The following UBA6 variants were observed in gnomAD, a reference collection of about 807,000 sequenced individuals.
The protein encoded by UBA6 is ubiquitin-like modifier-activating enzyme 6.
UBA6 carries 87 observed loss-of-function variants against 148.3 expected under a neutral mutation model. The observed-to-expected ratio is 0.59, with a 90% CI of 0.49 to 0.70. UBA6 has a LOEUF of 0.70. Ranked by LOEUF, UBA6 falls within the 30% of genes least tolerant of loss-of-function variation. The probability of loss-of-function intolerance (pLI) is 0.00; values close to 1 mark genes in which losing one functional copy is unlikely to be tolerated. For synonymous variants in UBA6, 376 were observed against 401.0 expected (o/e 0.94, Z 0.75); for missense variants, 1,186 against 1,241.2 (o/e 0.96, Z 0.67).
At chr4:67,692,382 G>T (rs974456453) in intron 2 of UBA6, among the ~76,000 whole-genome samples, 2 of 152,136 alleles carry the variant, frequency 1.3e-5, no homozygotes, top group African/African-American at 4.8e-5. Context: ...CAAGCACCAG[G>T]ATTTAAGGCA....
chr4:67,637,610 G>A (rs1043087134), intron 19 of UBA6, among the ~76,000 whole-genome samples: 6 of 37,462 alleles, frequency 1.6e-4, no homozygotes, highest in Non-Finnish European at 3.2e-4. Flanking sequence ...TCTGCCTTGG[G>A]ATGCTGTTGA....
rs568856811 is a variant in UBA6 at position 67,685,245 on chromosome 4, T to A, written c.135-3032A>T. On this transcript the variant is annotated intron_variant, in intron 2 of 32. Coordinates refer to ENST00000322244, the MANE Select transcript of UBA6 (RefSeq NM_018227.6). ...ACTTTTATTTCTTGATTTTTTGAGT[T>A]TTATATATTACCTATTAACTTCCTA... Among the ~76,000 whole-genome samples the A allele has an allele frequency of 4.6e-5, 7 of 152,306 alleles. No homozygotes were observed. In the East Asian group the frequency reaches 1.4e-3, roughly 29 times the overall value.
At position 67,631,756 on chromosome 4, in the gene UBA6, G is replaced by A. The variant is rs1319288875; in HGVS notation, c.2210C>T (p.Ser737Leu). The part of the protein sequence containing the change: ...RLKDGSLFWQ[S>L]PKRPPSPIKF... ...TATTGGAGAGGGTGGCCTCTTTGGTGACTGCCAAAATAAACCTGGCAAAAA... is the reference window on the plus strand; with the variant it reads ...TATTGGAGAGGGTGGCCTCTTTGGTAACTGCCAAAATAAACCTGGCAAAAA... The change falls in exon 25 of 33, where the codon TCA becomes TTA. Residue 737 changes from serine to leucine, a missense_variant. Transcript: ENST00000322244. The A allele has an allele frequency of 6.2e-7, 1 of 1,611,500 alleles. No individual in the cohort carries two copies. The highest frequency in any genetic ancestry group is 1.3e-5 in the African/African-American group (1 of 74,828).
intron 2 of UBA6, among the ~76,000 whole-genome samples, chr4:67,683,971 G>A (rs1032951144): frequency 5.3e-5 from 8 of 152,124 alleles, no homozygotes; most frequent in East Asian, 3.8e-4. Context: ...CCAGCTACTC[G>A]GATGGCTGAG....
At chr4:67,696,849 T>A (rs1730852400) in intron 1 of UBA6, 142 bp from the exon 2 acceptor site, 4 of 619,234 alleles carry the variant, frequency 6.5e-6, no homozygotes, top group Non-Finnish European at 8.5e-6. Context: ...TTATATTTTT[T>A]AAATGGCCTG....
intron 27 of UBA6, 99 bp downstream of exon 27, chr4:67,628,972 A>G (rs189676990): frequency 1.2e-6 from 1 of 841,488 alleles, no homozygotes; most frequent in African/African-American, 1.7e-5. Flanking sequence ...GAGCAAGAGC[A>G]AGAACCATTC....
At chr4:67,656,419 A>G (rs1729693561) in intron 13 of UBA6, among the ~76,000 whole-genome samples, 1 of 152,250 alleles carries the variant, frequency 6.6e-6, no homozygotes, top group Non-Finnish European at 1.5e-5. Context: ...AACAGAACCA[A>G]CGACAAAAAC....
chr4:67,645,928 T>A lies in UBA6; in HGVS notation c.1395+10A>T. ...TTGAACATACTATTCCCATGATTAT[T>A]GATACTTACTAAGAAGATGTTTAAA... On this transcript the variant is annotated intron_variant, in intron 16 of 32. Transcript: ENST00000322244. 1 of 1,538,230 alleles carries A rather than the reference T, an allele frequency of 6.5e-7. No individual in the cohort carries two copies.
chr4:67,670,666 A>C lies in UBA6; in HGVS notation c.547-74T>G, dbSNP rs543712577. The C allele has an allele frequency of 3.2e-4, 371 of 1,151,342 alleles. 3 individuals are homozygous for C. In the African/African-American group the frequency reaches 5.2e-3, roughly 16 times the overall value. The allele number at this position is 1,151,342 out of a possible 1,614,324, so 71.3% of individuals were successfully genotyped here. A position where few individuals can be genotyped will look rare whatever the true frequency, so the allele number is the denominator to read the frequency against. On this transcript the variant is annotated intron_variant, in intron 7 of 32. Transcript: ENST00000322244. ...ACACTCTAGTATCTTAGGCCATTTC[A>C]TAACAATTTAATTTATAATTAAGTA...
At chr4:67,665,413 GT>G (rs369502391) in intron 9 of UBA6, 121 bp from the exon 10 acceptor site, 66 of 407,238 alleles carry the variant, frequency 1.6e-4, no homozygotes, top group East Asian at 2.9e-4. Flanking sequence ...CCAGCATAGT[GT>G]TTTTTTTTGT....
chr4:67,676,019 CTTTTTT>C (rs397878783), intron 6 of UBA6, among the ~76,000 whole-genome samples: 1 of 117,152 alleles, frequency 8.5e-6, no homozygotes, highest in Non-Finnish European at 1.8e-5. Flanking sequence ...ATAGTACTAC[CTTTTTT>C]TTTTTTTTTT....
In UBA6 at chr4:67,613,684, G is replaced by GT. The variant is rs1266492868; in HGVS notation, c.*5312dup. ...AGGGAAAAAATGTTTAGAAAGAGAT[G>GT]TAAGGACTAAGCTCTGATATTTTGT... On this transcript the variant is annotated 3_prime_UTR_variant, in exon 33 of 33. Coordinates refer to ENST00000322244, the MANE Select transcript of UBA6 (RefSeq NM_018227.6). 1 of 152,138 alleles carries GT rather than the reference G, an allele frequency of 6.6e-6. No homozygotes were observed. The highest frequency in any genetic ancestry group is 2.4e-5 in the African/African-American group (1 of 41,434). The allele number at this position is 152,138 out of a possible 1,614,324, so 9.4% of individuals were successfully genotyped here.
intron 13 of UBA6, 193 bp downstream of exon 13, chr4:67,661,996 G>A: frequency 2.1e-6 from 1 of 475,694 alleles, no homozygotes. Flanking sequence ...ATTATTTAAT[G>A]TTCACAATAA....
intron 32 of UBA6, 78 bp from the exon 33 acceptor site, chr4:67,619,210 A>G (rs1728696889): frequency 1.8e-6 from 2 of 1,088,668 alleles, no homozygotes; most frequent in Non-Finnish European, 2.7e-6. Context: ...AATGCCATCC[A>G]GAGAACCTGG....
At position 67,623,243 on chromosome 4, in the gene UBA6, GAACAGA is replaced by G. The variant is rs545562274; in HGVS notation, c.2841-27_2841-22del. The G allele has an allele frequency of 2.2e-4, 343 of 1,571,780 alleles. 3 individuals carry two copies. The East Asian group carries it at 7.6e-3, about 35-fold the overall frequency. Reference sequence around the variant, plus strand: ...CATTTCTGTTACAGAAAAATATTCAGAACAGAAACATTGAAATTTTCTTCCTTTTAG... The same window carrying G: ...CATTTCTGTTACAGAAAAATATTCAGAACATTGAAATTTTCTTCCTTTTAG... On this transcript the variant is annotated intron_variant, in intron 30 of 32. Transcript: ENST00000322244.
intron 1 of UBA6, 54 bp from the exon 2 acceptor site, chr4:67,696,761 A>G (rs541630471): frequency 1.5e-4 from 211 of 1,432,044 alleles, no homozygotes; most frequent in Admixed American, 9.5e-4. Context: ...GTAATATTTG[A>G]TTACTTGTGT....
chr4:67,676,019 C>CT lies in UBA6; in HGVS notation c.465+1591dup, dbSNP rs397878783. ...GCCATTATGGCCATTATAGTACTAC[C>CT]TTTTTTTTTTTTTTTTTTTTTGAGA... On this transcript the variant is annotated intron_variant, in intron 6 of 32. Coordinates refer to ENST00000322244, the MANE Select transcript of UBA6 (RefSeq NM_018227.6). 4.0e-3 allele frequency among the ~76,000 whole-genome samples: 464 copies of CT among 117,114 alleles called. 2 individuals carry two copies. Among genetic ancestry groups the CT allele is most frequent in the African/African-American group, 5.0e-3 (154 of 30,782 alleles). 76.8% of individuals were successfully genotyped at this position (117,114 alleles called of 152,430 possible). A position where few individuals can be genotyped will look rare whatever the true frequency, so the allele number is the denominator to read the frequency against.
intron 30 of UBA6, among the ~76,000 whole-genome samples, chr4:67,623,697 T>C (rs1418627202): frequency 6.6e-6 from 1 of 152,184 alleles, no homozygotes; most frequent in African/African-American, 2.4e-5. Flanking sequence ...TCATTAGTAA[T>C]GTATGAGAGT....
intron 30 of UBA6, 47 bp downstream of exon 30, chr4:67,624,079 T>C (rs1377170358): frequency 1.4e-6 from 2 of 1,434,488 alleles, no homozygotes; most frequent in African/African-American, 1.4e-5. Context: ...AGGTAAAATA[T>C]TTTATTTCAT....
Sources: gnomAD v4.1 joint callset for allele counts (sites outside exome capture counted in the v4.1 genomes callset) on GRCh38, gnomAD v4.1.1 for gene constraint, MANE v1.5 for transcripts, NCBI Gene and HGNC (gene_info 2026-07-23, HGNC 2026-07-21) for gene names.